The following APP variants were observed in gnomAD, a reference collection of about 807,000 sequenced individuals.
The protein encoded by APP is amyloid-beta precursor protein.
Under a neutral mutation model 101.4 loss-of-function variants are expected in APP, and 31 were observed. The ratio of observed to expected loss-of-function variants is 0.31; its 90% CI spans 0.23 to 0.41. The LOEUF (loss-of-function observed/expected upper bound fraction) is 0.41, where lower values mean the gene tolerates loss of function less well. Among genes scored for constraint, APP ranks in the 10% least tolerant of loss-of-function variants. The pLI, the probability that APP is intolerant of heterozygous loss-of-function variation, is 1.00. For synonymous variants in APP, 366 were observed against 364.4 expected, an observed-to-expected ratio of 1.00 and a Z score of -0.05; for missense variants, 839 against 1,003.7, an observed-to-expected ratio of 0.84 and a Z score of 2.22.
chr21:25,959,192 T>C lies in APP; in HGVS notation c.1459-3437A>G, dbSNP rs190637461. Reference sequence around the variant, plus strand: ...GCTCACGCCTGTAATCCCAGCACTTTGGGAGGCCGAGGCGGGCAGGTCACG... The same window carrying C: ...GCTCACGCCTGTAATCCCAGCACTTCGGGAGGCCGAGGCGGGCAGGTCACG... On this transcript the variant is annotated intron_variant, in intron 11 of 17. Coordinates refer to ENST00000346798, the MANE Select transcript of APP (RefSeq NM_000484.4). Among the ~76,000 whole-genome samples the C allele has an allele frequency of 5.0e-3, 759 of 152,330 alleles. 8 individuals carry two copies. The highest frequency in any genetic ancestry group is 0.018 in the African/African-American group (738 of 41,578).
At position 25,889,067 on chromosome 21, in the gene APP, G is replaced by A. The variant is rs549999029; in HGVS notation, c.2211+2655C>T. ...GGAAGGAGCTCCAGGTGGAGGCCTT[G>A]CTTTTATGCTCAGCATCACTGGGGT... On this transcript the variant is annotated intron_variant, in intron 17 of 17. Transcript: ENST00000346798. Among the ~76,000 whole-genome samples the A allele has an allele frequency of 5.3e-5, 8 of 152,310 alleles. No individual in the cohort carries two copies. In the East Asian group the frequency reaches 1.4e-3, roughly 26 times the overall value.
intron 1 of APP, among the ~76,000 whole-genome samples, chr21:26,168,425 T>C (rs2034377311): frequency 1.3e-5 from 2 of 152,220 alleles, no homozygotes; most frequent in African/African-American, 2.4e-5. Context: ...AATGGCATAA[T>C]GTGAATCTCA....
Position 26,138,315 on chromosome 21 carries a change from T to TA in APP, c.58-26170dup, listed in dbSNP as rs1196939826. On this transcript the variant is annotated intron_variant, in intron 1 of 17. Coordinates refer to ENST00000346798, the MANE Select transcript of APP (RefSeq NM_000484.4). ...AACATAATAAGTTTTAAAATCTTCT[T>TA]AGAGAGTTGGCAGATCATATACTAT... 2.6e-5 allele frequency among the ~76,000 whole-genome samples: 4 copies of TA among 152,204 alleles called. No individual in the cohort carries two copies. The East Asian group carries it at 7.7e-4, about 29-fold the overall frequency.
At chr21:25,903,087 G>T (rs1450024247) in intron 15 of APP, among the ~76,000 whole-genome samples, 1 of 504 alleles carries the variant, frequency 2.0e-3, no homozygotes, top group Non-Finnish European at 3.4e-3. Flanking sequence ...AAAAGAATAG[G>T]CCGGGCATGG....
intron 1 of APP, among the ~76,000 whole-genome samples, chr21:26,144,138 T>C (rs2063105677): frequency 6.6e-6 from 1 of 152,054 alleles, no homozygotes; most frequent in African/African-American, 2.4e-5. Flanking sequence ...AAGTGATCAG[T>C]TCTCGTGAGA....
In APP at chr21:26,021,867, T is replaced by C; in HGVS notation, c.838A>G (p.Thr280Ala). 1 of 1,598,382 alleles carries C rather than the reference T, an allele frequency of 6.3e-7. No homozygotes were observed. The highest frequency in any genetic ancestry group is 8.5e-7 in the Non-Finnish European group (1 of 1,170,850). Residue 280 changes from threonine (T) to alanine (A), a missense_variant, in exon 6 of 18, where the codon ACA (threonine) becomes GCA (alanine). By Grantham distance (58) the Thr-to-Ala change is moderately conservative. Coordinates refer to ENST00000346798, the MANE Select transcript of APP (RefSeq NM_000484.4). ...TSIATTTTTT[T>A]ESVEEVVREV... ...CGAACCACCTCTTCCACAGACTCTGTGGTGGTGGTGGTGGTGGTGGCAATG... is the reference window on the plus strand; with the variant it reads ...CGAACCACCTCTTCCACAGACTCTGCGGTGGTGGTGGTGGTGGTGGCAATG...
intron 3 of APP, among the ~76,000 whole-genome samples, chr21:26,065,281 T>G (rs904074025): frequency 6.6e-6 from 1 of 152,170 alleles, no homozygotes; most frequent in African/African-American, 2.4e-5. Flanking sequence ...CATACCTATT[T>G]GATTCCACAT....
At chr21:26,064,329 G>C (rs1476576295) in intron 3 of APP, among the ~76,000 whole-genome samples, 2 of 152,196 alleles carry the variant, frequency 1.3e-5, no homozygotes, top group Admixed American at 1.3e-4. Context: ...GTTAACAATA[G>C]GGAAAACTGG....
At chr21:26,027,471 A>C (rs1218630847) in intron 5 of APP, among the ~76,000 whole-genome samples, 5 of 152,250 alleles carry the variant, frequency 3.3e-5, no homozygotes, top group African/African-American at 1.2e-4. Flanking sequence ...CTACTAAATT[A>C]GGAAAATGTT....
chr21:26,165,349 A>C (rs2063584176), intron 1 of APP, among the ~76,000 whole-genome samples: 2 of 152,248 alleles, frequency 1.3e-5, no homozygotes, highest in Non-Finnish European at 2.9e-5. Context: ...AGCATTTAAC[A>C]AAGATATTAA....
intron 6 of APP, among the ~76,000 whole-genome samples, chr21:26,016,482 A>G (rs2044068106): frequency 6.6e-6 from 1 of 152,264 alleles, no homozygotes; most frequent in South Asian, 2.1e-4. Context: ...AAAAAGTGTA[A>G]TTTTGACATG....
chr21:26,158,275 A>C (rs2063414979), intron 1 of APP: 1 of 152,236 alleles, frequency 6.6e-6, no homozygotes, highest in African/African-American at 2.4e-5. Flanking sequence ...AAGGTAAGCA[A>C]ATCCCAAAAG....
intron 1 of APP, among the ~76,000 whole-genome samples, chr21:26,129,732 A>G (rs1450144471): frequency 6.6e-6 from 1 of 152,236 alleles, no homozygotes; most frequent in African/African-American, 2.4e-5. Context: ...TCTGCAGCAA[A>G]GCCCACACCC....
intron 6 of APP, among the ~76,000 whole-genome samples, chr21:26,003,332 G>T (rs2043377837): frequency 6.6e-6 from 1 of 152,208 alleles, no homozygotes; most frequent in African/African-American, 2.4e-5. Context: ...CTTTCATAAA[G>T]GCCAAGAAAA....
intron 13 of APP, among the ~76,000 whole-genome samples, chr21:25,921,288 A>C (rs2039626523): frequency 4.4e-5 from 5 of 112,408 alleles, no homozygotes; most frequent in African/African-American, 1.5e-4. Flanking sequence ...AAAGATCCAA[A>C]ATTGACACCC....
chr21:26,058,277 G>C (rs1349388402), intron 3 of APP, among the ~76,000 whole-genome samples: 5 of 152,154 alleles, frequency 3.3e-5, no homozygotes, highest in African/African-American at 1.2e-4. Flanking sequence ...TTACTTGGGA[G>C]GGACATACTC....
chr21:26,140,113 A>G, intron 1 of APP: 1 of 1,384,574 alleles, frequency 7.2e-7, no homozygotes, highest in Non-Finnish European at 9.9e-7. Context: ...TTACCCAAAT[A>G]CAGACTAAAA....
At chr21:25,986,424 G>A (rs537792017) in intron 8 of APP, among the ~76,000 whole-genome samples, 6 of 152,122 alleles carry the variant, frequency 3.9e-5, no homozygotes, top group Non-Finnish European at 5.9e-5. Flanking sequence ...CTAGGATTTC[G>A]GCCGGATGGG....
intron 3 of APP, among the ~76,000 whole-genome samples, chr21:26,084,530 G>A (rs1321057563): frequency 1.8e-4 from 1 of 5,468 alleles, no homozygotes; most frequent in Non-Finnish European, 3.1e-4. Flanking sequence ...TGAGCACCGC[G>A]CCCGGCCGAA....
Sources: gnomAD v4.1 joint callset for allele counts (sites outside exome capture counted in the v4.1 genomes callset) on GRCh38, gnomAD v4.1.1 for gene constraint, MANE v1.5 for transcripts, NCBI Gene and HGNC (gene_info 2026-07-23, HGNC 2026-07-21) for gene names.